The following RCOR1 variants were observed in gnomAD, a reference collection of about 807,000 sequenced individuals.
RCOR1 encodes REST corepressor 1.
Under a neutral mutation model 64.0 loss-of-function variants are expected in RCOR1, and 12 were observed. That is an observed-to-expected ratio of 0.19 (90% CI 0.12 to 0.30). The LOEUF is 0.30. Among genes scored for constraint, RCOR1 ranks in the 10% least tolerant of loss-of-function variants. RCOR1 has a pLI of 1.00. For missense variants in RCOR1, 502 were observed against 621.2 expected (o/e 0.81, Z 2.04); for synonymous variants, 279 against 227.2 (o/e 1.23, Z -2.05).
At chr14:102,716,454 G>T (rs112681399) in intron 8 of RCOR1, among the ~76,000 whole-genome samples, 1 of 152,138 alleles carries the variant, frequency 6.6e-6, no homozygotes, top group East Asian at 1.9e-4. Context: ...AGGTCATGAC[G>T]ATATTCTCTC....
In RCOR1 at chr14:102,726,874, C is replaced by G. The variant is rs1194541800; in HGVS notation, c.*368C>G. 1.2e-5 allele frequency: 3 copies of G among 256,874 alleles called. No individual in the cohort carries two copies. Among genetic ancestry groups the G allele is most frequent in the Non-Finnish European group, 2.2e-5 (3 of 136,532 alleles). The allele number at this position is 256,874 out of a possible 1,614,324, so 15.9% of individuals were successfully genotyped here. On this transcript the variant is annotated 3_prime_UTR_variant, in exon 12 of 12. Transcript: ENST00000262241. Reference sequence around the variant, plus strand: ...GGCAGTCTCCTTGGAAGGCCCGACTCTGTTCCTGCATGGCCTGCAGTTTCT... The same window carrying G: ...GGCAGTCTCCTTGGAAGGCCCGACTGTGTTCCTGCATGGCCTGCAGTTTCT...
At chr14:102,698,206 A>T (rs1406999225) in intron 3 of RCOR1, among the ~76,000 whole-genome samples, 1 of 152,234 alleles carries the variant, frequency 6.6e-6, no homozygotes, top group Non-Finnish European at 1.5e-5. Flanking sequence ...TTGAAAATGG[A>T]GTAGCATTCA....
chr14:102,668,104 A>G (rs888919565), intron 2 of RCOR1, among the ~76,000 whole-genome samples: 4 of 152,188 alleles, frequency 2.6e-5, no homozygotes, highest in Non-Finnish European at 5.9e-5. Context: ...TGGTAGAGAA[A>G]ACGTGGGGAA....
At chr14:102,676,463 G>T in intron 2 of RCOR1, among the ~76,000 whole-genome samples, 1 of 105,152 alleles carries the variant, frequency 9.5e-6, no homozygotes, top group Non-Finnish European at 1.9e-5. Flanking sequence ...GGCCGGGCGG[G>T]GGGCTGACCC....
At chr14:102,690,415 T>C (rs1895507734) in intron 3 of RCOR1, among the ~76,000 whole-genome samples, 1 of 152,068 alleles carries the variant, frequency 6.6e-6, no homozygotes, top group Admixed American at 6.6e-5. Flanking sequence ...CTGGGCAGCA[T>C]GGCAAAACTC....
intron 2 of RCOR1, among the ~76,000 whole-genome samples, chr14:102,653,089 A>G (rs912689553): frequency 4.6e-5 from 7 of 151,030 alleles, no homozygotes; most frequent in African/African-American, 1.7e-4. Flanking sequence ...CGCGCCAGCC[A>G]ATTTTTGTAT....
intron 2 of RCOR1, among the ~76,000 whole-genome samples, chr14:102,617,831 G>A (rs1893792967): frequency 6.6e-6 from 1 of 151,896 alleles, no homozygotes; most frequent in Admixed American, 6.6e-5. Flanking sequence ...CTTGTGATCT[G>A]CCTGCCTCGG....
At chr14:102,645,421 G>C (rs1894458982) in intron 2 of RCOR1, among the ~76,000 whole-genome samples, 1 of 152,092 alleles carries the variant, frequency 6.6e-6, no homozygotes, top group Non-Finnish European at 1.5e-5. Context: ...TGCATTTCCT[G>C]TTTTCCACAT....
chr14:102,626,049 C>T (rs1381928935), intron 2 of RCOR1, among the ~76,000 whole-genome samples: 1 of 152,228 alleles, frequency 6.6e-6, no homozygotes, highest in Non-Finnish European at 1.5e-5. Flanking sequence ...AGACTTAGCA[C>T]TCTACATCCT....
At chr14:102,701,439 C>T (rs534922740) in intron 4 of RCOR1, 109 bp downstream of exon 4, 165 of 786,396 alleles carry the variant, frequency 2.1e-4, no homozygotes, top group Middle Eastern at 7.9e-4. Context: ...TCATTAGCAA[C>T]TTTTTGGTAA....
chr14:102,651,103 A>G (rs1392454324), intron 2 of RCOR1: 1 of 984,632 alleles, frequency 1.0e-6, no homozygotes, highest in Non-Finnish European at 1.2e-6. Context: ...AGAATTTGAC[A>G]GTATGTTTGG....
intron 2 of RCOR1, chr14:102,659,086 C>T (rs891366079): frequency 1.3e-5 from 13 of 976,674 alleles, no homozygotes; most frequent in East Asian, 2.3e-4. Context: ...AATTCTCCCA[C>T]GAGGAAGCTG....
chr14:102,676,626 T>G (rs866850042), intron 2 of RCOR1, among the ~76,000 whole-genome samples: 5 of 46,668 alleles, frequency 1.1e-4, no homozygotes, highest in South Asian at 9.1e-4. Context: ...GCTGGCCAGG[T>G]GGGGGGCTGA....
intron 8 of RCOR1, among the ~76,000 whole-genome samples, chr14:102,718,681 A>G (rs1199170785): frequency 6.6e-6 from 1 of 151,748 alleles, no homozygotes; most frequent in African/African-American, 2.4e-5. Context: ...TTTGCATCCT[A>G]TTTCTTACCT....
chr14:102,609,106 T>A (rs1237075781), intron 2 of RCOR1, among the ~76,000 whole-genome samples: 1 of 148,912 alleles, frequency 6.7e-6, no homozygotes, highest in African/African-American at 2.5e-5. Context: ...GTGACAGTGG[T>A]ATGATCTCAG....
chr14:102,662,616 G>A (rs538332972), intron 2 of RCOR1: 11 of 448,160 alleles, frequency 2.5e-5, no homozygotes, highest in African/African-American at 1.4e-4. Flanking sequence ...GGCTGTGGAC[G>A]CCTTTCAACA....
chr14:102,692,311 C>A (rs1895550224), intron 3 of RCOR1, among the ~76,000 whole-genome samples: 1 of 152,086 alleles, frequency 6.6e-6, no homozygotes, highest in African/African-American at 2.4e-5. Flanking sequence ...AGTATTGTTT[C>A]CGTGTTTAAT....
chr14:102,639,164 T>C (rs919186857), intron 2 of RCOR1, among the ~76,000 whole-genome samples: 1 of 152,206 alleles, frequency 6.6e-6, no homozygotes, highest in African/African-American at 2.4e-5. Context: ...GGTTTTCTTT[T>C]GTGCGGTGAA....
chr14:102,706,831 TAATA>T (rs1895868822), intron 4 of RCOR1, among the ~76,000 whole-genome samples: 1 of 150,998 alleles, frequency 6.6e-6, no homozygotes, highest in African/African-American at 2.4e-5. Context: ...CAAATAATAA[TAATA>T]ATAATAATAA....
Sources: gnomAD v4.1 joint callset for allele counts (sites outside exome capture counted in the v4.1 genomes callset) on GRCh38, gnomAD v4.1.1 for gene constraint, MANE v1.5 for transcripts, NCBI Gene and HGNC (gene_info 2026-07-23, HGNC 2026-07-21) for gene names.